SCMH1: variants seen among roughly 807,000 people sequenced by gnomAD.
The protein encoded by SCMH1 is Scm polycomb group protein homolog 1.
SCMH1 carries 37 observed loss-of-function variants against 70.8 expected under a neutral mutation model. The observed-to-expected ratio is 0.52, with a 90% CI of 0.40 to 0.69. SCMH1 has a LOEUF of 0.69. Among genes scored for constraint, SCMH1 ranks in the 30% least tolerant of loss-of-function variants. The pLI is 0.00. For synonymous variants in SCMH1, 292 were observed against 307.4 expected (o/e 0.95, Z 0.52); for missense variants, 607 against 827.3 (o/e 0.73, Z 3.27).
intron 5 of SCMH1, among the ~76,000 whole-genome samples, chr1:41,147,950 T>C (rs1644732271): frequency 1.3e-5 from 2 of 152,148 alleles, no homozygotes; most frequent in Admixed American, 6.5e-5. Flanking sequence ...CAGTATATAA[T>C]TGGGTTTTGC....
chr1:41,208,439 A>AT (rs1553178498), intron 1 of SCMH1, among the ~76,000 whole-genome samples: 1 of 132,678 alleles, frequency 7.5e-6, no homozygotes, highest in African/African-American at 2.5e-5. Flanking sequence ...AAAAATTAAA[A>AT]AAAAAAAATA....
intron 12 of SCMH1, 98 bp downstream of exon 12, chr1:41,046,309 G>T: frequency 1.0e-6 from 1 of 998,178 alleles, no homozygotes; most frequent in Non-Finnish European, 1.5e-6. Context: ...GATAGTAGGT[G>T]CCAGGCCAGT....
intron 5 of SCMH1, among the ~76,000 whole-genome samples, chr1:41,146,418 G>A (rs181668271): frequency 2.5e-4 from 38 of 152,086 alleles, no homozygotes; most frequent in East Asian, 2.1e-3. Context: ...CGTTTATAAC[G>A]TTGACAGTGG....
Position 41,151,800 on chromosome 1 carries a change from T to A in SCMH1, c.107-116A>T, listed in dbSNP as rs909288573. ...AGACTGGTTTTGAGCATAAAAAATA[T>A]AATTTTTTTCCTGTTTGAGCTCAAA... On this transcript the variant is annotated intron_variant, in intron 4 of 14. Coordinates refer to ENST00000337495, the Ensembl canonical transcript of SCMH1. 2.1e-5 allele frequency: 13 copies of A among 606,820 alleles called. No individual in the cohort carries two copies. In the African/African-American group the frequency reaches 2.3e-4, roughly 11 times the overall value. The allele number at this position is 606,820 out of a possible 1,614,324, so 37.6% of individuals were successfully genotyped here.
At chr1:41,092,476 GT>G (rs1395364507) in intron 8 of SCMH1, among the ~76,000 whole-genome samples, 1 of 152,178 alleles carries the variant, frequency 6.6e-6, no homozygotes, top group East Asian at 1.9e-4. Flanking sequence ...AGGACTTCAT[GT>G]CTAAAACACC....
chr1:41,234,615 C>T (rs1433852134), intron 1 of SCMH1, among the ~76,000 whole-genome samples: 1 of 151,724 alleles, frequency 6.6e-6, no homozygotes, highest in Non-Finnish European at 1.5e-5. Context: ...GCTGGGACTA[C>T]AGGCACCCGC....
chr1:41,127,188 T>C (rs2148024554), intron 6 of SCMH1, among the ~76,000 whole-genome samples: 1 of 152,320 alleles, frequency 6.6e-6, no homozygotes, highest in Middle Eastern at 3.4e-3. Flanking sequence ...AGATCATTTT[T>C]CTATAGGTTT....
intron 6 of SCMH1, among the ~76,000 whole-genome samples, chr1:41,127,816 T>G (rs1434157549): frequency 6.6e-6 from 1 of 152,124 alleles, no homozygotes; most frequent in African/African-American, 2.4e-5. Flanking sequence ...TTCCTTCTCC[T>G]GTGAGAACAC....
chr1:41,042,379 G>T (rs1440808279), intron 12 of SCMH1, among the ~76,000 whole-genome samples: 1 of 151,980 alleles, frequency 6.6e-6, no homozygotes, highest in East Asian at 1.9e-4. Flanking sequence ...CTCCCAAGTA[G>T]CTGGGATTAC....
At chr1:41,183,622 C>T (rs1649403387) in intron 2 of SCMH1, among the ~76,000 whole-genome samples, 1 of 151,964 alleles carries the variant, frequency 6.6e-6, no homozygotes, top group Non-Finnish European at 1.5e-5. Flanking sequence ...ATCAGTATTC[C>T]TAGAGTTTGG....
intron 1 of SCMH1, among the ~76,000 whole-genome samples, chr1:41,238,471 T>C (rs1662830316): frequency 6.6e-6 from 1 of 152,162 alleles, no homozygotes; most frequent in Non-Finnish European, 1.5e-5. Flanking sequence ...AAACCCCTCC[T>C]CCTTCAAGGT....
At chr1:41,047,137 A>G (rs1646965942) in intron 11 of SCMH1, among the ~76,000 whole-genome samples, 1 of 152,102 alleles carries the variant, frequency 6.6e-6, no homozygotes, top group Admixed American at 6.5e-5. Context: ...ATCAGTATAA[A>G]CCTTAAAAAG....
At chr1:41,125,445 G>C (rs916466756) in intron 6 of SCMH1, among the ~76,000 whole-genome samples, 1 of 149,110 alleles carries the variant, frequency 6.7e-6, no homozygotes, top group Non-Finnish European at 1.5e-5. Flanking sequence ...TCAAACTCCT[G>C]GGCTCATGTG....
chr1:41,225,731 T>A (rs1245932835), intron 1 of SCMH1, among the ~76,000 whole-genome samples: 1 of 152,204 alleles, frequency 6.6e-6, no homozygotes, highest in Non-Finnish European at 1.5e-5. Context: ...GCTTGTATGA[T>A]GGCCTATAGA....
intron 1 of SCMH1, among the ~76,000 whole-genome samples, chr1:41,241,766 G>GC (rs1176620796): frequency 6.6e-6 from 1 of 151,846 alleles, no homozygotes; most frequent in African/African-American, 2.4e-5. Flanking sequence ...CCGTGCCGGG[G>GC]CCCCCGGGCA....
intron 2 of SCMH1, among the ~76,000 whole-genome samples, chr1:41,178,999 A>C (rs904815580): frequency 2.0e-5 from 3 of 152,230 alleles, no homozygotes; most frequent in African/African-American, 7.2e-5. Flanking sequence ...AGCACTCCTC[A>C]GCAAATGTAA....
intron 1 of SCMH1, among the ~76,000 whole-genome samples, chr1:41,198,080 C>T (rs1653455734): frequency 6.6e-6 from 1 of 152,048 alleles, no homozygotes; most frequent in African/African-American, 2.4e-5. Flanking sequence ...AGTGCCTACC[C>T]CAAGGTTAGG....
At chr1:41,176,736 T>TA (rs1256791149) in intron 2 of SCMH1, among the ~76,000 whole-genome samples, 5 of 152,006 alleles carry the variant, frequency 3.3e-5, no homozygotes, top group African/African-American at 4.8e-5. Flanking sequence ...CTTGAGTAAG[T>TA]AAAAAAAGTG....
intron 3 of SCMH1, among the ~76,000 whole-genome samples, chr1:41,161,118 A>C (rs1190138426): frequency 6.6e-6 from 1 of 152,224 alleles, no homozygotes; most frequent in Non-Finnish European, 1.5e-5. Flanking sequence ...AAACCCAGAG[A>C]GGCTAAGCAA....
Sources: gnomAD v4.1 joint callset for allele counts (sites outside exome capture counted in the v4.1 genomes callset) on GRCh38, gnomAD v4.1.1 for gene constraint, MANE v1.5 for transcripts, NCBI Gene and HGNC (gene_info 2026-07-23, HGNC 2026-07-21) for gene names.